The following TEAD1 variants were observed in gnomAD, a reference collection of about 807,000 sequenced individuals.
TEAD1 encodes the protein transcriptional enhancer factor TEF-1.
In TEAD1, 9 loss-of-function variants were observed where a neutral mutation model predicts 54.9. The observed-to-expected ratio is 0.16, with a 90% CI of 0.10 to 0.29. The LOEUF (loss-of-function observed/expected upper bound fraction) is 0.29. TEAD1 is among the 10% of genes least tolerant of loss of function. TEAD1 has a pLI of 1.00. For missense variants in TEAD1, 387 were observed against 535.9 expected (o/e 0.72, Z 2.74); for synonymous variants, 200 against 187.8 (o/e 1.07, Z -0.53).
chr11:12,895,410 G>T (rs542265941), intron 9 of TEAD1, among the ~76,000 whole-genome samples: 2 of 152,300 alleles, frequency 1.3e-5, no homozygotes, highest in African/African-American at 2.4e-5. Context: ...TCCAGGTAGG[G>T]TTTTACTGGT....
At chr11:12,717,666 A>C (rs1022467036) in intron 2 of TEAD1, among the ~76,000 whole-genome samples, 2 of 152,168 alleles carry the variant, frequency 1.3e-5, no homozygotes, top group African/African-American at 4.8e-5. Flanking sequence ...TCTGGAAGTC[A>C]AGGAAGCTTT....
chr11:12,806,155 T>A (rs900506381), intron 3 of TEAD1, among the ~76,000 whole-genome samples: 6 of 152,232 alleles, frequency 3.9e-5, no homozygotes, highest in Admixed American at 3.3e-4. Flanking sequence ...CACCTCCTAC[T>A]TTGACAAATT....
At chr11:12,726,848 TG>T (rs1362627296) in intron 2 of TEAD1, among the ~76,000 whole-genome samples, 4 of 152,070 alleles carry the variant, frequency 2.6e-5, no homozygotes, top group Non-Finnish European at 4.4e-5. Context: ...AAAAAACAAA[TG>T]TATAATTTTG....
At chr11:12,930,418 G>A (rs1351266540) in intron 12 of TEAD1, 92 bp downstream of exon 12, 11 of 1,514,750 alleles carry the variant, frequency 7.3e-6, no homozygotes, top group African/African-American at 2.7e-5. Context: ...CTGGGCCTGC[G>A]CCGAGGGAAC....
intron 2 of TEAD1, among the ~76,000 whole-genome samples, chr11:12,725,983 C>T (rs1046363412): frequency 3.9e-5 from 6 of 152,210 alleles, no homozygotes; most frequent in African/African-American, 1.4e-4. Context: ...TTCATTTACC[C>T]AACCATCCTT....
chr11:12,682,486 G>C (rs1252919578), intron 2 of TEAD1, among the ~76,000 whole-genome samples: 2 of 152,190 alleles, frequency 1.3e-5, no homozygotes, highest in Non-Finnish European at 2.9e-5. Flanking sequence ...TAGCAGGGAT[G>C]CTCCTAGAGG....
intron 2 of TEAD1, among the ~76,000 whole-genome samples, chr11:12,699,628 A>G (rs1306922745): frequency 6.6e-6 from 1 of 152,198 alleles, no homozygotes; most frequent in East Asian, 1.9e-4. Context: ...AAACTAGTGT[A>G]TCTGATTTAC....
Position 12,937,280 on chromosome 11 carries a change from C to T in TEAD1, c.*58C>T. On this transcript the variant is annotated 3_prime_UTR_variant, in exon 13 of 13. Coordinates refer to ENST00000527636, the MANE Select transcript of TEAD1 (RefSeq NM_021961.6). ...ATACACACACACATATGTGCACACACACACTCTCTCTCCATTATCGAACGA... is the reference window on the plus strand; with the variant it reads ...ATACACACACACATATGTGCACACATACACTCTCTCTCCATTATCGAACGA... The T allele has an allele frequency of 7.6e-7, 1 of 1,308,380 alleles. No individual in the cohort carries two copies. The highest frequency in any genetic ancestry group is 1.1e-6 in the Non-Finnish European group (1 of 912,860). 81.0% of individuals were successfully genotyped at this position (1,308,380 alleles called of 1,614,324 possible).
At chr11:12,799,233 A>G (rs1326933407) in intron 3 of TEAD1, among the ~76,000 whole-genome samples, 1 of 152,250 alleles carries the variant, frequency 6.6e-6, no homozygotes, top group Non-Finnish European at 1.5e-5. Flanking sequence ...TTTAAATTTC[A>G]TAACCACCCT....
In TEAD1 at chr11:12,844,959, C is replaced by CTTTTTTT. The variant is rs3046338; in HGVS notation, c.203-17273_203-17267dup. ...CTGCCCTGATTGACGTGTATGAAAT[C>CTTTTTTT]TTTTTTTTTTTTTTTTTTTTTTTTG... On this transcript the variant is annotated intron_variant, in intron 3 of 12. Transcript: ENST00000527636. Among the ~76,000 whole-genome samples the CTTTTTTT allele has an allele frequency of 1.0e-3, 65 of 64,674 alleles. 8 individuals carry two copies. Among genetic ancestry groups the CTTTTTTT allele is most frequent in the African/African-American group, 1.4e-3 (22 of 15,536 alleles). 42.4% of individuals were successfully genotyped at this position (64,674 alleles called of 152,430 possible). A position where few individuals can be genotyped will look rare whatever the true frequency, so the allele number is the denominator to read the frequency against.
At chr11:12,798,234 G>A (rs1945978131) in intron 3 of TEAD1, among the ~76,000 whole-genome samples, 1 of 152,102 alleles carries the variant, frequency 6.6e-6, no homozygotes, top group African/African-American at 2.4e-5. Context: ...GACAGTCTGT[G>A]CTTTTCCTGT....
intron 2 of TEAD1, among the ~76,000 whole-genome samples, chr11:12,712,898 G>C (rs1336235020): frequency 6.6e-6 from 1 of 152,138 alleles, no homozygotes; most frequent in African/African-American, 2.4e-5. Context: ...TAAAGAAGAG[G>C]CATCAAGTTT....
intron 3 of TEAD1, among the ~76,000 whole-genome samples, chr11:12,804,723 G>T (rs539006746): frequency 6.6e-6 from 1 of 152,112 alleles, no homozygotes; most frequent in African/African-American, 2.4e-5. Flanking sequence ...TCCTTCCTTC[G>T]CTCCCTGCCT....
chr11:12,917,579 A>G (rs984189422), intron 10 of TEAD1, among the ~76,000 whole-genome samples: 3 of 152,216 alleles, frequency 2.0e-5, no homozygotes, highest in Non-Finnish European at 4.4e-5. Flanking sequence ...GCTGGTCTCA[A>G]ACTCCTGGGC....
intron 2 of TEAD1, among the ~76,000 whole-genome samples, chr11:12,761,088 G>C (rs1564931033): frequency 6.6e-6 from 1 of 152,144 alleles, no homozygotes; most frequent in Non-Finnish European, 1.5e-5. Context: ...CTTTTCCTTT[G>C]CAGTAAACGA....
chr11:12,937,274 C>A lies in TEAD1; in HGVS notation c.*52C>A. 7.8e-7 allele frequency: 1 copy of A among 1,282,596 alleles called. No homozygotes were observed. The highest frequency in any genetic ancestry group is 1.1e-6 in the Non-Finnish European group (1 of 889,136). 79.5% of individuals were successfully genotyped at this position (1,282,596 alleles called of 1,614,324 possible). Reference sequence around the variant, plus strand: ...CTGTATATACACACACACATATGTGCACACACACACTCTCTCTCCATTATC... The same window carrying A: ...CTGTATATACACACACACATATGTGAACACACACACTCTCTCTCCATTATC... On this transcript the variant is annotated 3_prime_UTR_variant, in exon 13 of 13. Transcript: ENST00000527636.
At chr11:12,902,704 T>A (rs141619637) in intron 10 of TEAD1, among the ~76,000 whole-genome samples, 186 of 152,248 alleles carry the variant, frequency 1.2e-3, no homozygotes, top group African/African-American at 4.3e-3. Context: ...CATTTTTTTT[T>A]AAAACTGTTT....
chr11:12,764,346 C>T lies in TEAD1; in HGVS notation c.114C>T (p.Asp38=), dbSNP rs1327923372. 1 of 1,614,200 alleles carries T rather than the reference C, an allele frequency of 6.2e-7. No homozygotes were observed. Among genetic ancestry groups the T allele is most frequent in the Admixed American group, 1.7e-5 (1 of 60,026 alleles). Residue 38 remains aspartate, a synonymous_variant, in exon 3 of 13, where the codon GAC becomes GAT. Transcript: ENST00000527636. ...ATGCAGAAGGGGTCTGGAGCCCCGA[C>T]ATCGAGCAAAGCTTTCAGGAGGCCC...
intron 3 of TEAD1, among the ~76,000 whole-genome samples, chr11:12,816,105 G>A (rs1168294245): frequency 6.6e-6 from 1 of 152,216 alleles, no homozygotes; most frequent in Non-Finnish European, 1.5e-5. Flanking sequence ...GGGCAGTCAC[G>A]GGGGTGCTGA....
Sources: allele counts gnomAD v4.1 joint callset (sites outside exome capture counted in the v4.1 genomes callset), GRCh38; gene constraint gnomAD v4.1.1; transcripts MANE v1.5; gene names NCBI Gene and HGNC (gene_info 2026-07-23, HGNC 2026-07-21).